Variants in ADAMTS19 observed in about 807,000 individuals in gnomAD.
ADAMTS19 encodes the protein ADAM metallopeptidase with thrombospondin type 1 motif 19.
A neutral mutation model predicts 153.3 loss-of-function variants in ADAMTS19; 93 were observed. The ratio of observed to expected loss-of-function variants is 0.61; its 90% CI spans 0.51 to 0.72. The LOEUF (loss-of-function observed/expected upper bound fraction) is 0.72. Among genes scored for constraint, ADAMTS19 ranks in the 30% least tolerant of loss-of-function variants. ADAMTS19 has a pLI of 0.00. For missense variants in ADAMTS19, 1,482 were observed against 1,552.1 expected, an observed-to-expected ratio of 0.95 and a Z score of 0.76; for synonymous variants, 600 against 556.6, an observed-to-expected ratio of 1.08 and a Z score of -1.10.
chr5:129,544,943 A>G (rs954713501), intron 6 of ADAMTS19, among the ~76,000 whole-genome samples: 1 of 152,166 alleles, frequency 6.6e-6, no homozygotes, highest in Non-Finnish European at 1.5e-5. Flanking sequence ...GCACTTAGTG[A>G]AAGCATATGC....
Position 129,657,189 on chromosome 5 carries a change from C to T in ADAMTS19, c.2305-1428C>T, listed in dbSNP as rs912542206. Reference sequence around the variant, plus strand: ...TGTACCTCTTGACACTGATAGGCCCCGCTTGACAAAAGGAAGGAATGCTGT... The same window carrying T: ...TGTACCTCTTGACACTGATAGGCCCTGCTTGACAAAAGGAAGGAATGCTGT... On this transcript the variant is annotated intron_variant, in intron 14 of 22. Transcript: ENST00000274487. Among the ~76,000 whole-genome samples the T allele has an allele frequency of 4.6e-5, 7 of 152,096 alleles. No individual in the cohort carries two copies. The East Asian group carries it at 5.8e-4, about 13-fold the overall frequency.
At chr5:129,597,190 A>G (rs948780353) in intron 8 of ADAMTS19, among the ~76,000 whole-genome samples, 8 of 152,208 alleles carry the variant, frequency 5.3e-5, no homozygotes, top group African/African-American at 1.2e-4. Flanking sequence ...AGATTAGTTC[A>G]TTTAATACAA....
At chr5:129,592,377 CAAAAAAAAAAA>C (rs1169388973) in intron 7 of ADAMTS19, among the ~76,000 whole-genome samples, 74 of 79,572 alleles carry the variant, frequency 9.3e-4, no homozygotes, top group Non-Finnish European at 1.5e-3. Flanking sequence ...GTCTCCGTTT[CAAAAAAAAAAA>C]AAAAAAAAAA....
intron 2 of ADAMTS19, among the ~76,000 whole-genome samples, chr5:129,475,720 C>A (rs1750203074): frequency 6.6e-6 from 1 of 152,110 alleles, no homozygotes; most frequent in Non-Finnish European, 1.5e-5. Flanking sequence ...GTAATCCCAG[C>A]TACTCAGGAG....
chr5:129,586,751 C>T (rs1749820316), intron 7 of ADAMTS19, among the ~76,000 whole-genome samples: 2 of 152,142 alleles, frequency 1.3e-5, no homozygotes, highest in South Asian at 4.1e-4. Flanking sequence ...TGTGGCTGTA[C>T]CATTTTGCTT....
At chr5:129,682,615 A>G (rs1754873050) in intron 17 of ADAMTS19, among the ~76,000 whole-genome samples, 1 of 152,068 alleles carries the variant, frequency 6.6e-6, no homozygotes, top group South Asian at 2.1e-4. Flanking sequence ...TAGTCTGGGT[A>G]TAGTCGTAAG....
At chr5:129,527,470 C>T (rs569160974) in intron 4 of ADAMTS19, among the ~76,000 whole-genome samples, 1 of 151,082 alleles carries the variant, frequency 6.6e-6, no homozygotes, top group South Asian at 2.1e-4. Flanking sequence ...TTAACACTGC[C>T]TAACAACCAG....
rs1195795971 is a variant in ADAMTS19, at chr5:129,461,490, G to A, written c.480G>A (p.Pro160=). 4.0e-6 allele frequency: 6 copies of A among 1,490,658 alleles called. No individual in the cohort carries two copies. Among genetic ancestry groups the A allele is most frequent in the Admixed American group, 2.3e-5 (1 of 43,952 alleles). The allele number at this position is 1,490,658 out of a possible 1,614,324, so 92.3% of individuals were successfully genotyped here. A position where few individuals can be genotyped will look rare whatever the true frequency, so the allele number is the denominator to read the frequency against. The stretch of plus-strand genomic sequence containing the variant: ...CGCAGCCGCCCCCGTCCCCGCCCCC[G>A]GCCCAGCATGCCGAGCCGGATGGCG... ...PPPQPPPSPP[P]AQHAEPDGDE... is the part of the protein sequence containing the mutation. The change falls in exon 2 of 23, where the codon CCG becomes CCA. Residue 160 remains proline (P), a synonymous_variant. Transcript: ENST00000274487. The surrounding 1 kb of genome is among the most constrained non-coding windows in gnomAD (Gnocchi z 4.6).
At chr5:129,720,624 T>C (rs888675262) in intron 21 of ADAMTS19, among the ~76,000 whole-genome samples, 4 of 152,174 alleles carry the variant, frequency 2.6e-5, no homozygotes, top group Non-Finnish European at 5.9e-5. Context: ...GCTTGCTGGA[T>C]AGCAACAGTG....
intron 2 of ADAMTS19, among the ~76,000 whole-genome samples, chr5:129,502,167 C>T (rs554408928): frequency 5.3e-5 from 8 of 151,826 alleles, no homozygotes; most frequent in Admixed American, 4.6e-4. Context: ...TTTCTAGAAA[C>T]GAAAAGGACC....
At chr5:129,498,626 A>G (rs1200298690) in intron 2 of ADAMTS19, among the ~76,000 whole-genome samples, 2 of 152,022 alleles carry the variant, frequency 1.3e-5, no homozygotes, top group Non-Finnish European at 2.9e-5. Flanking sequence ...TCTCCCACAT[A>G]TCTTCCAGAA....
At chr5:129,571,367 T>C (rs761696562) in intron 7 of ADAMTS19, among the ~76,000 whole-genome samples, 1 of 151,678 alleles carries the variant, frequency 6.6e-6, no homozygotes, top group Non-Finnish European at 1.5e-5. Context: ...TGTATATGTA[T>C]AAACATTAGG....
chr5:129,608,883 T>C (rs953423456), intron 8 of ADAMTS19, among the ~76,000 whole-genome samples: 9 of 149,556 alleles, frequency 6.0e-5, no homozygotes, highest in African/African-American at 2.2e-4. Flanking sequence ...AGAAAAGAAC[T>C]AAATAAGAAA....
intron 8 of ADAMTS19, among the ~76,000 whole-genome samples, chr5:129,598,255 A>G (rs1750476468): frequency 6.6e-6 from 1 of 152,158 alleles, no homozygotes; most frequent in South Asian, 2.1e-4. Context: ...TACCCTTTAA[A>G]TTAGACCCAT....
intron 2 of ADAMTS19, among the ~76,000 whole-genome samples, chr5:129,478,362 CTT>C (rs1408965991): frequency 6.6e-6 from 1 of 152,056 alleles, no homozygotes. Context: ...GTGGGATACT[CTT>C]AGACATTTTG....
intron 2 of ADAMTS19, among the ~76,000 whole-genome samples, chr5:129,465,936 T>C (rs1749841815): frequency 6.6e-6 from 1 of 152,184 alleles, no homozygotes; most frequent in Admixed American, 6.5e-5. Context: ...AAGGGAAACA[T>C]ATAGACTTTA....
intron 8 of ADAMTS19, among the ~76,000 whole-genome samples, chr5:129,611,061 C>T (rs4407655): frequency 0.51 from 77,710 of 151,852 alleles, 22,956 homozygotes; most frequent in Non-Finnish European, 0.66. Context: ...CATTTTTTCA[C>T]GTCTGTTGGC....
chr5:129,668,316 A>G (rs1754143790), intron 16 of ADAMTS19, among the ~76,000 whole-genome samples: 2 of 152,192 alleles, frequency 1.3e-5, no homozygotes, highest in South Asian at 4.1e-4. Flanking sequence ...AATGTGCCAC[A>G]GAAGGTAATT....
intron 13 of ADAMTS19, among the ~76,000 whole-genome samples, chr5:129,650,123 A>G (rs1753250522): frequency 6.6e-6 from 1 of 152,168 alleles, no homozygotes; most frequent in Non-Finnish European, 1.5e-5. Flanking sequence ...GTGAGCCAAG[A>G]TGGTGCCACT....
Sources: allele counts gnomAD v4.1 joint callset (sites outside exome capture counted in the v4.1 genomes callset), GRCh38; gene constraint gnomAD v4.1.1; non-coding constraint Gnocchi (gnomAD v3.1); transcripts MANE v1.5; gene names NCBI Gene and HGNC (gene_info 2026-07-23, HGNC 2026-07-21).